SRD5A1: variants seen among roughly 807,000 people sequenced by gnomAD.
SRD5A1 encodes 3-oxo-5-alpha-steroid 4-dehydrogenase 1.
In SRD5A1, 22 loss-of-function variants were observed where a neutral mutation model predicts 28.2. That is an observed-to-expected ratio of 0.78 (90% CI 0.56 to 1.12). The LOEUF (loss-of-function observed/expected upper bound fraction) is 1.12. Ranked by LOEUF, SRD5A1 falls within the 50% of genes most tolerant of loss-of-function variation. The pLI is 0.00. For missense variants in SRD5A1, 300 were observed against 346.7 expected (o/e 0.87, Z 1.07); for synonymous variants, 151 against 135.0 (o/e 1.12, Z -0.82).
chr5:6,634,184 G>C (rs1026639969), intron 1 of SRD5A1, among the ~76,000 whole-genome samples: 3 of 152,200 alleles, frequency 2.0e-5, no homozygotes, highest in African/African-American at 4.8e-5. Flanking sequence ...TTCCTTAGCC[G>C]GGCGCGGTGG....
chr5:6,659,293 T>G (rs1738931068), intron 3 of SRD5A1, among the ~76,000 whole-genome samples: 1 of 151,888 alleles, frequency 6.6e-6, no homozygotes, highest in Admixed American at 6.6e-5. Flanking sequence ...TTTTGTATTT[T>G]TACTAGAGAT....
chr5:6,664,006 A>G (rs533674656), intron 4 of SRD5A1, among the ~76,000 whole-genome samples: 1 of 152,306 alleles, frequency 6.6e-6, no homozygotes, highest in South Asian at 2.1e-4. Flanking sequence ...CATTGACGGG[A>G]AGAGATCTCA....
rs190856543 is a variant in SRD5A1, at chr5:6,645,966, G to A, written c.294-5876G>A. On this transcript the variant is annotated intron_variant, in intron 1 of 4. Transcript: ENST00000274192. ...CCCATTAACCCGTGATCTGCATTAGGTATTTCTCCTAATGCTATCCTTCCC... is the reference window on the plus strand; with the variant it reads ...CCCATTAACCCGTGATCTGCATTAGATATTTCTCCTAATGCTATCCTTCCC... Among the ~76,000 whole-genome samples the A allele has an allele frequency of 1.4e-4, 21 of 152,154 alleles. No homozygotes were observed. The South Asian group carries it at 4.3e-3, about 32-fold the overall frequency.
In SRD5A1 at chr5:6,659,362, C is replaced by G. The variant is rs1738934898; in HGVS notation, c.562+3183C>G. Among the ~76,000 whole-genome samples, 3 of 151,814 alleles carry G rather than the reference C, an allele frequency of 2.0e-5. 1 individual carries two copies. Among genetic ancestry groups the G allele is most frequent in the Admixed American group, 6.5e-5 (1 of 15,268 alleles). On this transcript the variant is annotated intron_variant, in intron 3 of 4. Coordinates refer to ENST00000274192, the MANE Select transcript of SRD5A1 (RefSeq NM_001047.4). ...TCTCCTGACCTCGTGATCCGCCCACCTTGGCCTCCCAAAGTGCTGGGATTA... is the reference window on the plus strand; with the variant it reads ...TCTCCTGACCTCGTGATCCGCCCACGTTGGCCTCCCAAAGTGCTGGGATTA...
At position 6,655,993 on chromosome 5, in the gene SRD5A1, A is replaced by C. The variant is rs947394540; in HGVS notation, c.461-85A>C. ...TAACAATGGTAATCTGAAGGGTTGC[A>C]ATAATACTGTTCAGTCAGGCTGGGG... On this transcript the variant is annotated intron_variant, in intron 2 of 4. Transcript: ENST00000274192. 1.4e-5 allele frequency: 13 copies of C among 958,312 alleles called. No homozygotes were observed. In the African/African-American group the frequency reaches 2.1e-4, roughly 16 times the overall value. The allele number at this position is 958,312 out of a possible 1,614,324, so 59.4% of individuals were successfully genotyped here. A position where few individuals can be genotyped will look rare whatever the true frequency, so the allele number is the denominator to read the frequency against.
intron 1 of SRD5A1, among the ~76,000 whole-genome samples, chr5:6,642,510 C>A (rs967446260): frequency 2.0e-5 from 3 of 152,174 alleles, no homozygotes; most frequent in Admixed American, 1.3e-4. Context: ...ATATCCACTG[C>A]AAACTCATGT....
intron 1 of SRD5A1, among the ~76,000 whole-genome samples, chr5:6,640,224 T>C (rs1240583412): frequency 1.3e-5 from 2 of 152,128 alleles, no homozygotes; most frequent in African/African-American, 2.4e-5. Context: ...ATCTGTAAAA[T>C]AGGGATAATA....
chr5:6,636,418 A>G (rs1250411834), intron 1 of SRD5A1, among the ~76,000 whole-genome samples: 1 of 152,206 alleles, frequency 6.6e-6, no homozygotes, highest in African/African-American at 2.4e-5. Flanking sequence ...GAGCCTGAGG[A>G]GGCGCTGGCC....
rs1445176446 is a variant in SRD5A1 at position 6,669,123 on chromosome 5, G to T, written c.*855G>T. 3 of 152,236 alleles carry T rather than the reference G, an allele frequency of 2.0e-5. No individual in the cohort carries two copies. The highest frequency in any genetic ancestry group is 7.2e-5 in the African/African-American group (3 of 41,448). 9.4% of individuals were successfully genotyped at this position (152,236 alleles called of 1,614,324 possible). ...ATGGATATAGTAGAGATTGTTGTCT[G>T]TGAAATTTCTCTTTTGTAGATTTTG... On this transcript the variant is annotated 3_prime_UTR_variant, in exon 5 of 5. Transcript: ENST00000274192.
intron 3 of SRD5A1, among the ~76,000 whole-genome samples, chr5:6,657,091 T>C (rs1738854755): frequency 6.6e-6 from 1 of 152,242 alleles, no homozygotes; most frequent in Admixed American, 6.5e-5. Flanking sequence ...AAAACTTTAA[T>C]GGAGAAAGGG....
chr5:6,647,303 A>G (rs1010959692), intron 1 of SRD5A1, among the ~76,000 whole-genome samples: 2 of 152,222 alleles, frequency 1.3e-5, no homozygotes, highest in African/African-American at 4.8e-5. Context: ...CACTTGATCC[A>G]GAGCTGAGTT....
Position 6,672,900 on chromosome 5 carries a change from A to G in SRD5A1, c.*4632A>G, listed in dbSNP as rs775828503. The G allele has an allele frequency of 3.3e-5, 5 of 152,218 alleles. No individual in the cohort carries two copies. Among genetic ancestry groups the G allele is most frequent in the Non-Finnish European group, 7.3e-5 (5 of 68,034 alleles). The allele number at this position is 152,218 out of a possible 1,614,324, so 9.4% of individuals were successfully genotyped here. On this transcript the variant is annotated 3_prime_UTR_variant, in exon 5 of 5. Transcript: ENST00000274192. ...TAAAATCTAGCTGATCTGGTCTAAA[A>G]TACACATGTGGGAGGCGGGATTGTA... is the stretch of plus-strand genomic sequence containing the variant.
intron 1 of SRD5A1, among the ~76,000 whole-genome samples, chr5:6,644,215 C>T (rs1179284689): frequency 6.6e-6 from 1 of 152,140 alleles, no homozygotes; most frequent in Non-Finnish European, 1.5e-5. Flanking sequence ...AATATTTTCC[C>T]TTCCTCTTTT....
intron 1 of SRD5A1, among the ~76,000 whole-genome samples, chr5:6,648,179 A>T (rs529824705): frequency 1.4e-4 from 22 of 152,284 alleles, no homozygotes; most frequent in African/African-American, 5.1e-4. Context: ...CTTTATGGGT[A>T]ACCAGCCCTT....
intron 1 of SRD5A1, among the ~76,000 whole-genome samples, chr5:6,635,116 T>G (rs1337675915): frequency 6.6e-6 from 1 of 152,184 alleles, no homozygotes; most frequent in Non-Finnish European, 1.5e-5. Flanking sequence ...AGTACACAGC[T>G]CCACTACTTG....
intron 1 of SRD5A1, chr5:6,645,346 G>T: frequency 5.0e-6 from 1 of 200,220 alleles, no homozygotes; most frequent in Non-Finnish European, 1.0e-5. Flanking sequence ...CCCATTTTAA[G>T]TCTGTAATTT....
intron 1 of SRD5A1, among the ~76,000 whole-genome samples, chr5:6,637,668 G>A (rs1338601033): frequency 6.6e-6 from 1 of 152,196 alleles, no homozygotes; most frequent in African/African-American, 2.4e-5. Flanking sequence ...AAATAACTCC[G>A]AGGAGCCTGA....
intron 2 of SRD5A1, among the ~76,000 whole-genome samples, chr5:6,655,422 G>A (rs2126542571): frequency 6.6e-6 from 1 of 152,356 alleles, no homozygotes; most frequent in South Asian, 2.1e-4. Flanking sequence ...GATACCGTGG[G>A]ATTCTGGGGA....
At chr5:6,660,568 T>C (rs1194593605) in intron 3 of SRD5A1, among the ~76,000 whole-genome samples, 1 of 152,228 alleles carries the variant, frequency 6.6e-6, no homozygotes, top group African/African-American at 2.4e-5. Flanking sequence ...GTGACTAAGC[T>C]CCATGGCCCA....
Sources: allele counts gnomAD v4.1 joint callset (sites outside exome capture counted in the v4.1 genomes callset), GRCh38; gene constraint gnomAD v4.1.1; transcripts MANE v1.5; gene names NCBI Gene and HGNC (gene_info 2026-07-23, HGNC 2026-07-21).